SMAD1: variants seen among roughly 807,000 people sequenced by gnomAD.
The protein encoded by SMAD1 is SMAD family member 1.
In SMAD1, 6 loss-of-function variants were observed where a neutral mutation model predicts 41.6. The observed-to-expected ratio is 0.14, with a 90% CI of 0.08 to 0.28. The LOEUF (loss-of-function observed/expected upper bound fraction) is 0.28, where lower values mean the gene tolerates loss of function less well. SMAD1 is among the 10% of genes least tolerant of loss of function. The pLI, the probability that SMAD1 is intolerant of heterozygous loss-of-function variation, is 1.00. For missense variants in SMAD1, 379 were observed against 582.6 expected (o/e 0.65, Z 3.60); for synonymous variants, 206 against 203.2 (o/e 1.01, Z -0.12).
chr4:145,517,551 A>C (rs1730485610), intron 2 of SMAD1, among the ~76,000 whole-genome samples: 1 of 152,174 alleles, frequency 6.6e-6, no homozygotes, highest in African/African-American at 2.4e-5. Flanking sequence ...CCATGAGGGC[A>C]GGGACTATGT....
chr4:145,546,703 A>G lies in SMAD1; in HGVS notation c.776A>G (p.Asp259Gly), dbSNP rs755635795. 9 of 1,610,046 alleles carry G rather than the reference A, an allele frequency of 5.6e-6. No homozygotes were observed. In the East Asian group the frequency reaches 1.8e-4, roughly 32 times the overall value. ...PPLPSEINRG[D>G]VQAVAYEEPK... ...TGATATAACATTTTCTTTCCTCTAGATGTTCAGGCGGTTGCTTATGAGGAA... is the reference window on the plus strand; with the variant it reads ...TGATATAACATTTTCTTTCCTCTAGGTGTTCAGGCGGTTGCTTATGAGGAA... Residue 259 changes from aspartate to glycine, a missense_variant and splice_region_variant, in exon 5 of 7, where the codon GAT (aspartate) becomes GGT (glycine). This residue lies in a region of SMAD1 where 208 missense variants were observed against 210.5 expected (regional missense o/e 0.99). Transcript: ENST00000302085.
intron 6 of SMAD1, 37 bp downstream of exon 6, chr4:145,554,077 A>T: frequency 6.5e-7 from 1 of 1,542,320 alleles, no homozygotes; most frequent in Non-Finnish European, 8.7e-7. Flanking sequence ...AGGGCCTAAC[A>T]TACTTTTGCT....
At chr4:145,503,418 A>T (rs972772007) in intron 1 of SMAD1, among the ~76,000 whole-genome samples, 4 of 152,172 alleles carry the variant, frequency 2.6e-5, no homozygotes, top group African/African-American at 4.8e-5. Flanking sequence ...TACTTTATGA[A>T]GTACGTTAGC....
intron 4 of SMAD1, chr4:145,545,740 C>CCCAA (rs1404961670): frequency 1.3e-5 from 2 of 152,030 alleles, no homozygotes; most frequent in South Asian, 2.1e-4. Flanking sequence ...TTATTGTACA[C>CCCAA]CCAAGACTTC....
intron 2 of SMAD1, among the ~76,000 whole-genome samples, chr4:145,525,455 A>G (rs1421046166): frequency 5.3e-5 from 8 of 152,226 alleles, no homozygotes; most frequent in Admixed American, 5.2e-4. Context: ...TACCATGAGC[A>G]CTGTGGTAAA....
At chr4:145,548,976 G>A (rs748142371) in intron 5 of SMAD1, among the ~76,000 whole-genome samples, 22 of 152,084 alleles carry the variant, frequency 1.4e-4, no homozygotes, top group Admixed American at 3.9e-4. Context: ...CATCACCTAC[G>A]CAGGATTCCA....
intron 2 of SMAD1, among the ~76,000 whole-genome samples, chr4:145,524,357 T>C (rs1013900344): frequency 6.6e-6 from 1 of 152,196 alleles, no homozygotes; most frequent in African/African-American, 2.4e-5. Flanking sequence ...TGTTCTTAAA[T>C]GCATTTGTGG....
rs896939549 is a variant in SMAD1 at position 145,550,425 on chromosome 4, A to G, written c.998-3359A>G. 3.5e-4 allele frequency among the ~76,000 whole-genome samples: 54 copies of G among 152,194 alleles called. 2 individuals carry two copies. The highest frequency in any genetic ancestry group is 7.8e-4 in the Non-Finnish European group (53 of 68,026). ...CTACTCGGGAGACAGAGGCAAAGTT[A>G]TCACTTGAATTTGAGAGGCGGAGGT... On this transcript the variant is annotated intron_variant, in intron 5 of 6. Coordinates refer to ENST00000302085, the MANE Select transcript of SMAD1 (RefSeq NM_005900.3).
intron 2 of SMAD1, among the ~76,000 whole-genome samples, chr4:145,532,360 T>G (rs942938553): frequency 7.9e-5 from 12 of 152,226 alleles, no homozygotes; most frequent in African/African-American, 2.9e-4. Flanking sequence ...AGCTTCAGCC[T>G]TTTAAAGACA....
Position 145,541,728 on chromosome 4 carries a change from T to G in SMAD1, c.659-854T>G, listed in dbSNP as rs115812616. ...AGTTGCTCTGAGTGGTCTCGATTAC[T>G]TATCCAAACATTCACGATTCCCTCA... On this transcript the variant is annotated intron_variant, in intron 3 of 6. Coordinates refer to ENST00000302085, the MANE Select transcript of SMAD1 (RefSeq NM_005900.3). Among the ~76,000 whole-genome samples, 1,402 of 152,316 alleles carry G rather than the reference T, an allele frequency of 9.2e-3. 30 individuals are homozygous for G. The highest frequency in any genetic ancestry group is 0.032 in the African/African-American group (1,318 of 41,574).
intron 4 of SMAD1, chr4:145,546,502 T>G: frequency 1.8e-6 from 1 of 556,150 alleles, no homozygotes. Context: ...TTCTCCAATT[T>G]TCTCCAATTA....
At chr4:145,515,091 C>G (rs1046122873) in intron 2 of SMAD1, 78 bp downstream of exon 2, 5 of 1,350,052 alleles carry the variant, frequency 3.7e-6, no homozygotes, top group Non-Finnish European at 5.0e-6. Flanking sequence ...GAAAATAATC[C>G]CTTTGCTTGT....
At chr4:145,506,956 T>C (rs1729821740) in intron 1 of SMAD1, among the ~76,000 whole-genome samples, 1 of 152,178 alleles carries the variant, frequency 6.6e-6, no homozygotes, top group Non-Finnish European at 1.5e-5. Context: ...ATTAGCCGTG[T>C]CGAGTAGTAT....
At chr4:145,532,623 A>G (rs1450549709) in intron 2 of SMAD1, among the ~76,000 whole-genome samples, 2 of 152,240 alleles carry the variant, frequency 1.3e-5, no homozygotes, top group African/African-American at 2.4e-5. Context: ...AAATTAACCA[A>G]TAGGAGCAGC....
chr4:145,481,734 G>A, upstream of SMAD1: 1 of 183,216 alleles, frequency 5.5e-6, no homozygotes, highest in Non-Finnish European at 1.1e-5. Flanking sequence ...GGCAGCGGCG[G>A]CGGCGCGCGG....
chr4:145,549,075 G>A (rs181304891), intron 5 of SMAD1, among the ~76,000 whole-genome samples: 4 of 152,224 alleles, frequency 2.6e-5, no homozygotes, highest in African/African-American at 9.6e-5. Context: ...TGAAGAAGGG[G>A]GAGTAATTCT....
intron 1 of SMAD1, among the ~76,000 whole-genome samples, chr4:145,496,275 G>T (rs907720026): frequency 6.6e-6 from 1 of 152,080 alleles, no homozygotes; most frequent in Non-Finnish European, 1.5e-5. Flanking sequence ...ATCAAACCAA[G>T]GGGGGGACTA....
intron 6 of SMAD1, among the ~76,000 whole-genome samples, chr4:145,557,560 T>C (rs1732910600): frequency 6.6e-6 from 1 of 152,190 alleles, no homozygotes; most frequent in Admixed American, 6.5e-5. Context: ...CAGCAATTCT[T>C]ATTGGAATCC....
At chr4:145,511,388 T>TCTGCCCC (rs1317022763) in intron 1 of SMAD1, among the ~76,000 whole-genome samples, 1 of 152,190 alleles carries the variant, frequency 6.6e-6, no homozygotes, top group African/African-American at 2.4e-5. Context: ...TCCTCCTGCC[T>TCTGCCCC]CTGCCCCCTG....
Sources: gnomAD v4.1 joint callset for allele counts (sites outside exome capture counted in the v4.1 genomes callset) on GRCh38, gnomAD v4.1.1 for gene constraint, gnomAD v4.1.1 regional missense constraint, MANE v1.5 for transcripts, NCBI Gene and HGNC (gene_info 2026-07-23, HGNC 2026-07-21) for gene names.